The following FAM209A variants were observed in gnomAD, a reference collection of about 807,000 sequenced individuals.
FAM209A encodes the protein protein FAM209A.
FAM209A carries 4 observed loss-of-function variants against 9.8 expected under a neutral mutation model. That is an observed-to-expected ratio of 0.41 (90% CI 0.20 to 0.94). FAM209A has a LOEUF of 0.94. FAM209A is among the 40% of genes least tolerant of loss of function. The pLI is 0.32. For synonymous variants in FAM209A, 55 were observed against 77.8 expected (o/e 0.71, Z 1.54); for missense variants, 205 against 209.4 (o/e 0.98, Z 0.13).
At chr20:56,527,775 C>T (rs1474968756), downstream of FAM209A, among the ~76,000 whole-genome samples, 1 of 152,244 alleles carries the variant, frequency 6.6e-6, no homozygotes, top group Non-Finnish European at 1.5e-5. Flanking sequence ...TCAAGGGTCC[C>T]AACCCCGGGC....
rs1182454908 is a variant in FAM209A at position 56,524,902 on chromosome 20, C to T, written c.94C>T (p.Pro32Ser). The T allele has an allele frequency of 6.2e-7, 1 of 1,614,038 alleles. No individual in the cohort carries two copies. The highest frequency in any genetic ancestry group is 8.5e-7 in the Non-Finnish European group (1 of 1,179,888). Residue 32 changes from proline (P) to serine (S), a missense_variant, in exon 1 of 2, where the codon CCC becomes TCC. Physicochemically the swap from Pro to Ser is moderately conservative, Grantham distance 74. Transcript: ENST00000371328. ...TTCTCTGAGACAGAAAACTAGCGAA[C>T]CCCAGGGGAAGGTGCAATACGGAGA... ...FSSLRQKTSE[P>S]QGKVQYGEHF...
At chr20:56,527,665 C>T (rs973989062), downstream of FAM209A, among the ~76,000 whole-genome samples, 2 of 152,178 alleles carry the variant, frequency 1.3e-5, no homozygotes, top group Non-Finnish European at 2.9e-5. Context: ...ATGGCTTCTG[C>T]GGCTGCAGCA....
chr20:56,525,645 C>A, intron 1 of FAM209A, 159 bp from the exon 2 acceptor site: 1 of 749,380 alleles, frequency 1.3e-6, no homozygotes, highest in Non-Finnish European at 2.2e-6. Context: ...CAGGGATCGG[C>A]AAACCCTTCC....
At chr20:56,532,265 A>G in the FAM209A span, among the ~76,000 whole-genome samples, 102,875 of 151,642 alleles carry the variant, frequency 0.68, 36,419 homozygotes, top group African/African-American at 0.9. Context: ...GTGAGCCACC[A>G]GGCCTGGCTC....
At chr20:56,526,400 A>C (rs1302270718), downstream of FAM209A, among the ~76,000 whole-genome samples, 1 of 152,170 alleles carries the variant, frequency 6.6e-6, no homozygotes, top group African/African-American at 2.4e-5. Context: ...CTTCCATACA[A>C]ACTCTTGCTC....
chr20:56,524,758 G>C lies in FAM209A; in HGVS notation c.-51G>C, dbSNP rs559971875. ...ACCAGGTGCCCAGTCTCCCAGTTGCGAGGGCAAGCAAACCCGTCATGAGCA... is the reference window on the plus strand; with the variant it reads ...ACCAGGTGCCCAGTCTCCCAGTTGCCAGGGCAAGCAAACCCGTCATGAGCA... On this transcript the variant is annotated 5_prime_UTR_variant, in exon 1 of 2. Transcript: ENST00000371328. 2.5e-6 allele frequency: 4 copies of C among 1,604,208 alleles called. No individual in the cohort carries two copies. The highest frequency in any genetic ancestry group is 3.4e-6 in the Non-Finnish European group (4 of 1,173,780).
chr20:56,528,212 G>A (rs1289778369), downstream of FAM209A, among the ~76,000 whole-genome samples: 1 of 152,068 alleles, frequency 6.6e-6, no homozygotes, highest in Non-Finnish European at 1.5e-5. Flanking sequence ...GGGTCTGGGA[G>A]GTCGAGGCTG....
At chr20:56,532,478 T>C in the FAM209A span, among the ~76,000 whole-genome samples, 9 of 120,010 alleles carry the variant, frequency 7.5e-5, no homozygotes, top group African/African-American at 4.1e-4. Flanking sequence ...CTTTTTCTTT[T>C]TCTTTTTTTT....
At position 56,525,036 on chromosome 20, in the gene FAM209A, A is replaced by C; in HGVS notation, c.228A>C (p.Gln76His). The C allele has an allele frequency of 6.2e-7, 1 of 1,614,144 alleles. No homozygotes were observed. Among genetic ancestry groups the C allele is most frequent in the Non-Finnish European group, 8.5e-7 (1 of 1,179,974 alleles). The change falls in exon 1 of 2, where the codon CAA becomes CAC. Residue 76 changes from glutamine (Q) to histidine (H), a missense_variant. By Grantham distance (24) the Gln-to-His change is conservative (BLOSUM62 0). Coordinates refer to ENST00000371328, the MANE Select transcript of FAM209A (RefSeq NM_001012971.4). ...TGCCGTTTGTGATACTGCAGTGTCA[A>C]AGAGACAGTGAGAAGAATAAGGTAA... Reference protein sequence around the residue: ...VVVPFVILQCQRDSEKNKEQS... With the variant: ...VVVPFVILQCHRDSEKNKEQS...
chr20:56,525,186 C>T (rs771854751), intron 1 of FAM209A, 129 bp downstream of exon 1: 35 of 1,280,138 alleles, frequency 2.7e-5, no homozygotes, highest in Admixed American at 4.6e-5. Flanking sequence ...CTGGGCAAAG[C>T]TGGCAAATTC....
Position 56,524,788 on chromosome 20 carries a change from C to T in FAM209A, c.-21C>T. On this transcript the variant is annotated 5_prime_UTR_variant, in exon 1 of 2. Coordinates refer to ENST00000371328, the MANE Select transcript of FAM209A (RefSeq NM_001012971.4). ...CAAGCAAACCCGTCATGAGCAACTC[C>T]CTTCCCCATCTCTGCTCACCATGTG... 6.2e-7 allele frequency: 1 copy of T among 1,613,112 alleles called. No individual in the cohort carries two copies. Among genetic ancestry groups the T allele is most frequent in the South Asian group, 1.1e-5 (1 of 91,034 alleles).
At chr20:56,532,566 C>G in the FAM209A span, among the ~76,000 whole-genome samples, 1 of 149,218 alleles carries the variant, frequency 6.7e-6, no homozygotes, top group Non-Finnish European at 1.5e-5. Flanking sequence ...TCATCACAAC[C>G]TCTGCCTCCT....
At chr20:56,533,152 C>T in the FAM209A span, 1 of 1,454,096 alleles carries the variant, frequency 6.9e-7, no homozygotes, top group Non-Finnish European at 9.1e-7. Context: ...CCCCATCTCC[C>T]TTTGAGTCCT....
downstream of FAM209A, among the ~76,000 whole-genome samples, chr20:56,528,520 G>T (rs144653940): frequency 2.9e-3 from 433 of 151,638 alleles, 1 homozygote; most frequent in African/African-American, 0.01. Context: ...AGGATCCCCT[G>T]AGCCCAGGAG....
chr20:56,526,258 G>A (rs1226193846), downstream of FAM209A: 17 of 751,264 alleles, frequency 2.3e-5, no homozygotes, highest in Non-Finnish European at 3.0e-5. Flanking sequence ...CCTCTCTCAC[G>A]TCATCTAGAG....
chr20:56,527,575 A>G (rs1211257618), downstream of FAM209A, among the ~76,000 whole-genome samples: 1 of 152,208 alleles, frequency 6.6e-6, no homozygotes, highest in Non-Finnish European at 1.5e-5. Context: ...GCCGGTACCC[A>G]GTTGACCAGT....
chr20:56,531,275 A>G, the FAM209A span, among the ~76,000 whole-genome samples: 1 of 149,316 alleles, frequency 6.7e-6, no homozygotes, highest in Non-Finnish European at 1.5e-5. Context: ...TGTTCTTATC[A>G]CAATTGTTTT....
downstream of FAM209A, among the ~76,000 whole-genome samples, chr20:56,526,341 G>A (rs61690640): frequency 0.044 from 6,747 of 152,134 alleles, 436 homozygotes; most frequent in East Asian, 0.28. Flanking sequence ...TTCAATGGCC[G>A]CGGGTGGACG....
the FAM209A span, among the ~76,000 whole-genome samples, chr20:56,532,485 T>TTC: frequency 0.011 from 365 of 34,726 alleles, 2 homozygotes; most frequent in African/African-American, 0.054. Context: ...TTTTTCTTTT[T>TTC]TTTTTTTTTT....
Sources: allele counts gnomAD v4.1 joint callset (sites outside exome capture counted in the v4.1 genomes callset), GRCh38; gene constraint gnomAD v4.1.1; transcripts MANE v1.5; gene names NCBI Gene and HGNC (gene_info 2026-07-23, HGNC 2026-07-21).